The following ACBD6 variants were observed in gnomAD, a reference collection of about 807,000 sequenced individuals.
ACBD6 encodes acyl-CoA binding domain containing 6, also known as acyl-CoA-binding domain-containing protein 6.
Under a neutral mutation model 37.2 loss-of-function variants are expected in ACBD6, and 28 were observed. The observed-to-expected ratio is 0.75, with a 90% CI of 0.56 to 1.03. The LOEUF is 1.03. Among genes scored for constraint, ACBD6 ranks in the 50% least tolerant of loss-of-function variants. ACBD6 has a pLI of 0.00. For missense variants in ACBD6, 340 were observed against 337.4 expected (o/e 1.01, Z -0.06); for synonymous variants, 113 against 126.8 (o/e 0.89, Z 0.73).
chr1:180,402,184 T>C lies in ACBD6; in HGVS notation c.574-4579A>G, dbSNP rs530756260. Reference sequence around the variant, plus strand: ...CTGCTACTACTGTAGCAGCTGGCCATAGTGAGAACTCCCCTACCTGCAATC... The same window carrying C: ...CTGCTACTACTGTAGCAGCTGGCCACAGTGAGAACTCCCCTACCTGCAATC... On this transcript the variant is annotated intron_variant, in intron 5 of 7. Coordinates refer to ENST00000367595, the MANE Select transcript of ACBD6 (RefSeq NM_032360.4). Among the ~76,000 whole-genome samples, 17 of 152,092 alleles carry C rather than the reference T, an allele frequency of 1.1e-4. No individual in the cohort carries two copies. The South Asian group carries it at 3.5e-3, about 32-fold the overall frequency.
intron 6 of ACBD6, among the ~76,000 whole-genome samples, chr1:180,329,240 C>G (rs1316316917): frequency 6.6e-6 from 1 of 152,084 alleles, no homozygotes; most frequent in African/African-American, 2.4e-5. Context: ...ATAAAAGATG[C>G]CTTTACAGTG....
intron 3 of ACBD6, among the ~76,000 whole-genome samples, chr1:180,484,465 C>T (rs1053784480): frequency 6.6e-6 from 1 of 152,038 alleles, no homozygotes; most frequent in African/African-American, 2.4e-5. Flanking sequence ...AAATGAGTAA[C>T]TACATTGAGG....
intron 9 of ACBD6, among the ~76,000 whole-genome samples, chr1:180,280,380 T>G (rs1446031014): frequency 6.6e-6 from 1 of 151,844 alleles, no homozygotes; most frequent in East Asian, 1.9e-4. Flanking sequence ...ATGCACTACA[T>G]AGAACAATTT....
In ACBD6 at chr1:180,489,318, C is replaced by T. The variant is rs1651396912; in HGVS notation, c.384+2951G>A. Among the ~76,000 whole-genome samples the T allele has an allele frequency of 2.7e-5, 4 of 150,562 alleles. No individual in the cohort carries two copies. In the South Asian group the frequency reaches 8.4e-4, roughly 31 times the overall value. On this transcript the variant is annotated intron_variant, in intron 3 of 7. Coordinates refer to ENST00000367595, the MANE Select transcript of ACBD6 (RefSeq NM_032360.4). ...TGAGATGGAGGTTATGATCTGCCTC[C>T]TAACAGTTTAAAAGTAAAGACAAAA...
chr1:180,345,722 A>G (rs1652153922), intron 6 of ACBD6, among the ~76,000 whole-genome samples: 1 of 152,152 alleles, frequency 6.6e-6, no homozygotes, highest in East Asian at 1.9e-4. Flanking sequence ...ATGGAATTAT[A>G]AAAAATGTTT....
At chr1:180,428,549 ACT>A (rs1316184986) in intron 4 of ACBD6, among the ~76,000 whole-genome samples, 1 of 152,138 alleles carries the variant, frequency 6.6e-6, no homozygotes, top group African/African-American at 2.4e-5. Context: ...ATACAGTTTA[ACT>A]CTATCTCAGG....
At chr1:180,468,303 C>T (rs1650427708) in intron 3 of ACBD6, among the ~76,000 whole-genome samples, 1 of 152,200 alleles carries the variant, frequency 6.6e-6, no homozygotes, top group Non-Finnish European at 1.5e-5. Context: ...TCCCCCATGT[C>T]CTAAGCCCAG....
At chr1:180,378,319 ATAAGGAACGAC>A (rs1361471276) in intron 6 of ACBD6, among the ~76,000 whole-genome samples, 1 of 152,216 alleles carries the variant, frequency 6.6e-6, no homozygotes, top group African/African-American at 2.4e-5. Context: ...TAATTAAAGT[ATAAGGAACGAC>A]TAAGGAACTG....
intron 11 of ACBD6, chr1:180,273,596 T>C (rs796144271): frequency 5.9e-5 from 9 of 152,610 alleles, no homozygotes; most frequent in African/African-American, 1.9e-4. Context: ...GAAGGTTCAT[T>C]TGCCTTAATC....
intron 3 of ACBD6, among the ~76,000 whole-genome samples, chr1:180,446,362 AG>A (rs1227249215): frequency 6.6e-6 from 1 of 152,134 alleles, no homozygotes; most frequent in African/African-American, 2.4e-5. Context: ...TAGTTCAAAG[AG>A]AAAACTTTAA....
chr1:180,280,148 T>C (rs188593453), intron 9 of ACBD6, among the ~76,000 whole-genome samples: 12 of 152,364 alleles, frequency 7.9e-5, no homozygotes, highest in Non-Finnish European at 1.3e-4. Flanking sequence ...CAGATGGCTC[T>C]ACTGGACGGT....
intron 3 of ACBD6, among the ~76,000 whole-genome samples, chr1:180,482,983 T>C (rs756615415): frequency 2.6e-5 from 4 of 152,196 alleles, no homozygotes; most frequent in Non-Finnish European, 5.9e-5. Flanking sequence ...GTGGACAATG[T>C]GGAGGAATAC....
intron 4 of ACBD6, among the ~76,000 whole-genome samples, chr1:180,422,299 G>A (rs774084892): frequency 1.3e-5 from 2 of 151,474 alleles, no homozygotes; most frequent in African/African-American, 2.4e-5. Context: ...TCCACCTCCC[G>A]GGTTCAAGCA....
intron 6 of ACBD6, among the ~76,000 whole-genome samples, chr1:180,377,245 T>C (rs538641391): frequency 1.3e-5 from 2 of 152,318 alleles, no homozygotes; most frequent in East Asian, 1.9e-4. Context: ...ACACACGATA[T>C]TCTATACAAA....
intron 6 of ACBD6, among the ~76,000 whole-genome samples, chr1:180,393,738 G>A (rs1488732917): frequency 1.3e-5 from 2 of 152,192 alleles, no homozygotes; most frequent in African/African-American, 4.8e-5. Context: ...AACTGGAAAA[G>A]CCAAAAGCAA....
chr1:180,391,282 C>T (rs187956203), intron 6 of ACBD6, among the ~76,000 whole-genome samples: 2 of 151,688 alleles, frequency 1.3e-5, no homozygotes, highest in South Asian at 2.1e-4. Context: ...CTTAAAACCA[C>T]AAACAACAAC....
intron 2 of ACBD6, 24 bp downstream of exon 2, chr1:180,495,437 T>C (rs1651694343): frequency 6.4e-7 from 1 of 1,559,834 alleles, no homozygotes; most frequent in Non-Finnish European, 8.8e-7. Flanking sequence ...AACAACCTCA[T>C]TAAAGATTCC....
intron 5 of ACBD6, 140 bp downstream of exon 5, chr1:180,413,226 C>G: frequency 4.3e-6 from 3 of 701,454 alleles, no homozygotes; most frequent in Non-Finnish European, 7.8e-6. Context: ...CTAGGTAACA[C>G]CATCTCATTT....
chr1:180,478,624 G>A (rs1650895634), intron 3 of ACBD6, among the ~76,000 whole-genome samples: 1 of 151,984 alleles, frequency 6.6e-6, no homozygotes, highest in East Asian at 1.9e-4. Context: ...AAGTAGCTGG[G>A]ATTACAGTAC....
Sources: gnomAD v4.1 joint callset for allele counts (sites outside exome capture counted in the v4.1 genomes callset) on GRCh38, gnomAD v4.1.1 for gene constraint, MANE v1.5 for transcripts, NCBI Gene and HGNC (gene_info 2026-07-23, HGNC 2026-07-21) for gene names.